The following SGCD variants were observed in gnomAD, a reference collection of about 807,000 sequenced individuals.
The protein encoded by SGCD is sarcoglycan delta.
SGCD carries 18 observed loss-of-function variants against 36.6 expected under a neutral mutation model. That is an observed-to-expected ratio of 0.49 (90% confidence interval 0.34 to 0.73). SGCD has a LOEUF of 0.73. Among genes scored for constraint, SGCD ranks in the 30% least tolerant of loss-of-function variants. The pLI is 0.01. For missense variants in SGCD, 387 were observed against 346.7 expected (o/e 1.12, Z -0.92); for synonymous variants, 133 against 130.6 (o/e 1.02, Z -0.12).
chr5:155,999,182 C>T (rs1167056461), intron 1 of SGCD, among the ~76,000 whole-genome samples: 4 of 152,210 alleles, frequency 2.6e-5, no homozygotes, highest in Non-Finnish European at 1.5e-5. Context: ...CCCTTGGAAA[C>T]GTCACCCCAG....
At chr5:156,690,592 G>A (rs995701957) in intron 7 of SGCD, among the ~76,000 whole-genome samples, 10 of 152,076 alleles carry the variant, frequency 6.6e-5, no homozygotes, top group Non-Finnish European at 1.2e-4. Context: ...CTGCTTAGAT[G>A]TGAGAGTTGA....
the SGCD span, among the ~76,000 whole-genome samples, chr5:155,836,812 C>A: frequency 6.6e-6 from 1 of 152,198 alleles, no homozygotes; most frequent in Non-Finnish European, 1.5e-5. Flanking sequence ...AAGTGGATCT[C>A]AGCTTTGGAA....
chr5:156,497,623 TTCTCTC>T (rs375678272), intron 3 of SGCD, among the ~76,000 whole-genome samples: 3 of 146,288 alleles, frequency 2.1e-5, no homozygotes, highest in African/African-American at 7.5e-5. Flanking sequence ...TGCGCGTGCT[TTCTCTC>T]TCTCTCTCTC....
Position 156,759,521 on chromosome 5 carries a change from C to T in SGCD, c.*131C>T, listed in dbSNP as rs1374802945. 13 of 469,932 alleles carry T rather than the reference C, an allele frequency of 2.8e-5. No homozygotes were observed. Among genetic ancestry groups the T allele is most frequent in the South Asian group, 5.9e-5 (1 of 17,006 alleles). The allele number at this position is 469,932 out of a possible 1,614,324, so 29.1% of individuals were successfully genotyped here. On this transcript the variant is annotated 3_prime_UTR_variant, in exon 9 of 9. Transcript: ENST00000337851. ...TTGTGTGTATGTGTACGTGTGTGTG[C>T]GTGCTTGAGTGTGTTCGCGTGTGTG...
chr5:155,997,749 T>C (rs1049222211), intron 1 of SGCD, among the ~76,000 whole-genome samples: 1 of 152,240 alleles, frequency 6.6e-6, no homozygotes, highest in African/African-American at 2.4e-5. Context: ...TCAGAAGATG[T>C]TTTCCCATTG....
intron 1 of SGCD, among the ~76,000 whole-genome samples, chr5:156,088,682 A>T (rs1210293328): frequency 6.6e-6 from 1 of 152,044 alleles, no homozygotes; most frequent in Non-Finnish European, 1.5e-5. Flanking sequence ...TATTAATATT[A>T]TTATTATCAT....
intron 2 of SGCD, among the ~76,000 whole-genome samples, chr5:156,122,792 C>T (rs1348955939): frequency 7.9e-5 from 10 of 125,822 alleles, no homozygotes; most frequent in Admixed American, 4.9e-4. Context: ...GCTGTGCAAC[C>T]TTGTAGATCT....
chr5:155,889,089 A>G (rs1756068773), intron 1 of SGCD, among the ~76,000 whole-genome samples: 1 of 152,130 alleles, frequency 6.6e-6, no homozygotes, highest in African/African-American at 2.4e-5. Flanking sequence ...CTTTTACTAT[A>G]TGTATCTTCA....
chr5:155,844,390 T>G, the SGCD span, among the ~76,000 whole-genome samples: 1 of 151,108 alleles, frequency 6.6e-6, no homozygotes, highest in African/African-American at 2.4e-5. Flanking sequence ...AGGAAGTTTG[T>G]TAATTGCCGC....
intron 3 of SGCD, among the ~76,000 whole-genome samples, chr5:156,145,374 A>G (rs1467280293): frequency 6.6e-6 from 1 of 152,196 alleles, no homozygotes; most frequent in Non-Finnish European, 1.5e-5. Context: ...CTACAGAATC[A>G]TGAGCCAATT....
At chr5:156,146,084 G>A (rs1481370917) in intron 3 of SGCD, among the ~76,000 whole-genome samples, 1 of 152,112 alleles carries the variant, frequency 6.6e-6, no homozygotes, top group African/African-American at 2.4e-5. Flanking sequence ...GTAGTTGTGG[G>A]CGCCTGTAGT....
the SGCD span, among the ~76,000 whole-genome samples, chr5:155,839,802 GAC>G: frequency 1.3e-5 from 2 of 152,124 alleles, no homozygotes; most frequent in African/African-American, 2.4e-5. Context: ...TATTCCAATA[GAC>G]TTGAATAAAC....
chr5:156,330,134 T>G (rs1767998317), intron 2 of SGCD, among the ~76,000 whole-genome samples: 1 of 151,998 alleles, frequency 6.6e-6, no homozygotes, highest in Admixed American at 6.6e-5. Flanking sequence ...AATTTGAAAC[T>G]TTTTGAGCAC....
At chr5:156,669,992 G>T (rs749470887) in intron 7 of SGCD, among the ~76,000 whole-genome samples, 1 of 152,110 alleles carries the variant, frequency 6.6e-6, no homozygotes, top group Non-Finnish European at 1.5e-5. Context: ...AGCTATTAGC[G>T]ATGTGCAGTG....
intron 1 of SGCD, among the ~76,000 whole-genome samples, chr5:155,932,764 C>G (rs191178120): frequency 7.4e-4 from 113 of 152,196 alleles, no homozygotes; most frequent in African/African-American, 2.5e-3. Flanking sequence ...GAATCATGAA[C>G]CAAACATAGT....
intron 7 of SGCD, among the ~76,000 whole-genome samples, chr5:156,741,872 GT>G (rs79808158): frequency 1.9e-3 from 278 of 144,694 alleles, no homozygotes; most frequent in Middle Eastern, 0.014. Flanking sequence ...ATGTTTTCAG[GT>G]TTTTTTTTTT....
At chr5:155,976,280 G>A (rs1561669506) in intron 1 of SGCD, among the ~76,000 whole-genome samples, 1 of 152,096 alleles carries the variant, frequency 6.6e-6, no homozygotes, top group Admixed American at 6.5e-5. Flanking sequence ...CTAAATATGA[G>A]GGGAGTATTG....
intron 3 of SGCD, among the ~76,000 whole-genome samples, chr5:156,147,732 G>T (rs1475070844): frequency 1.3e-5 from 2 of 152,198 alleles, no homozygotes; most frequent in Non-Finnish European, 2.9e-5. Context: ...ACAAAATCTA[G>T]TGATGTGGCA....
chr5:155,739,976 C>A, the SGCD span, among the ~76,000 whole-genome samples: 3 of 152,200 alleles, frequency 2.0e-5, no homozygotes, highest in African/African-American at 7.2e-5. Flanking sequence ...CCCTGCCCTA[C>A]CTTAAAGAAG....
Sources: gnomAD v4.1 joint callset for allele counts (sites outside exome capture counted in the v4.1 genomes callset) on GRCh38, gnomAD v4.1.1 for gene constraint, MANE v1.5 for transcripts, NCBI Gene and HGNC (gene_info 2026-07-23, HGNC 2026-07-21) for gene names.